JMY: variants seen among roughly 807,000 people sequenced by gnomAD.
JMY encodes the protein junction-mediating and -regulatory protein.
In JMY, 46 loss-of-function variants were observed where a neutral mutation model predicts 103.3. The ratio of observed to expected loss-of-function variants is 0.45; its 90% CI spans 0.35 to 0.57. The LOEUF (loss-of-function observed/expected upper bound fraction) is 0.57. Among genes scored for constraint, JMY ranks in the 20% least tolerant of loss-of-function variants. The pLI, the probability that JMY is intolerant of heterozygous loss-of-function variation, is 0.00. For synonymous variants in JMY, 526 were observed against 489.3 expected (o/e 1.07, Z -0.99); for missense variants, 1,238 against 1,255.2 (o/e 0.99, Z 0.21).
intron 1 of JMY, among the ~76,000 whole-genome samples, chr5:79,261,251 T>C (rs1288592642): frequency 1.3e-5 from 2 of 152,152 alleles, no homozygotes; most frequent in Non-Finnish European, 2.9e-5. Flanking sequence ...AATTTTACCA[T>C]GGCAATGTAA....
intron 1 of JMY, among the ~76,000 whole-genome samples, chr5:79,255,337 T>G (rs1745209374): frequency 6.6e-6 from 1 of 152,158 alleles, no homozygotes; most frequent in Non-Finnish European, 1.5e-5. Context: ...CCTCAATTGA[T>G]CTGCTTGCCT....
In JMY at chr5:79,325,747, TGAAGCA is replaced by T; in HGVS notation, c.*4146_*4151del. ...GTCACTGCTTAATTGCTTTGTAAAA[TGAAGCA>T]ATGGTATTTTTTATCCGATATAGTG... On this transcript the variant is annotated 3_prime_UTR_variant, in exon 11 of 11. Coordinates refer to ENST00000396137, the MANE Select transcript of JMY (RefSeq NM_152405.5). The T allele has an allele frequency of 6.6e-6, 1 of 152,326 alleles. No individual in the cohort carries two copies. Among genetic ancestry groups the T allele is most frequent in the East Asian group, 1.9e-4 (1 of 5,190 alleles). 9.4% of individuals were successfully genotyped at this position (152,326 alleles called of 1,614,324 possible).
In JMY at chr5:79,322,243, T is replaced by G. The variant is rs548507455; in HGVS notation, c.*641T>G. 1.3e-5 allele frequency: 2 copies of G among 152,366 alleles called. No individual in the cohort carries two copies. Among genetic ancestry groups the G allele is most frequent in the Non-Finnish European group, 2.9e-5 (2 of 68,040 alleles). The allele number at this position is 152,366 out of a possible 1,614,324, so 9.4% of individuals were successfully genotyped here. A position where few individuals can be genotyped will look rare whatever the true frequency, so the allele number is the denominator to read the frequency against. ...TAATATGTTCACAACATGATACATT[T>G]AACATGGCATATTTTTAGGAGTCTT... On this transcript the variant is annotated 3_prime_UTR_variant, in exon 11 of 11. Coordinates refer to ENST00000396137, the MANE Select transcript of JMY (RefSeq NM_152405.5).
rs904434074 is a variant in JMY, at chr5:79,326,841, A to G, written c.*5239A>G. ...GATGGCTTTAGTACCATTACATTAA[A>G]TGGACAGTGTGCACAGTGTATTGTA... On this transcript the variant is annotated 3_prime_UTR_variant, in exon 11 of 11. Transcript: ENST00000396137. 1 of 152,226 alleles carries G rather than the reference A, an allele frequency of 6.6e-6. No homozygotes were observed. The highest frequency in any genetic ancestry group is 1.5e-5 in the Non-Finnish European group (1 of 68,020). The allele number at this position is 152,226 out of a possible 1,614,324, so 9.4% of individuals were successfully genotyped here.
chr5:79,315,185 A>G (rs1323515150), intron 9 of JMY, among the ~76,000 whole-genome samples: 1 of 152,178 alleles, frequency 6.6e-6, no homozygotes, highest in Non-Finnish European at 1.5e-5. Flanking sequence ...CAGAAAGGGT[A>G]AGATATCTGG....
intron 4 of JMY, among the ~76,000 whole-genome samples, chr5:79,299,643 T>G (rs1053762210): frequency 1.3e-5 from 2 of 152,240 alleles, no homozygotes; most frequent in Non-Finnish European, 2.9e-5. Flanking sequence ...TGTCTTCTGC[T>G]GTTCCAGTCA....
chr5:79,322,005 C>T lies in JMY; in HGVS notation c.*403C>T, dbSNP rs575016773. On this transcript the variant is annotated 3_prime_UTR_variant, in exon 11 of 11. Transcript: ENST00000396137. ...GCTTTGAGAACCATCTTTCAATGCA[C>T]TGAAAAGTCATCTGAAAAAATAGCT... The T allele has an allele frequency of 7.9e-5, 12 of 152,242 alleles. No individual in the cohort carries two copies. The highest frequency in any genetic ancestry group is 1.3e-4 in the Non-Finnish European group (9 of 68,008). The allele number at this position is 152,242 out of a possible 1,614,324, so 9.4% of individuals were successfully genotyped here.
At chr5:79,276,428 TTTTG>T (rs1363759365) in intron 1 of JMY, among the ~76,000 whole-genome samples, 1 of 151,900 alleles carries the variant, frequency 6.6e-6, no homozygotes, top group Non-Finnish European at 1.5e-5. Flanking sequence ...CTGCTTTTTG[TTTTG>T]TTTGTTCTTT....
At chr5:79,320,374 G>T (rs1025089588) in intron 10 of JMY, among the ~76,000 whole-genome samples, 4 of 150,510 alleles carry the variant, frequency 2.7e-5, no homozygotes. Flanking sequence ...GAGTCTCACT[G>T]TGTCAGCCAG....
At chr5:79,287,826 C>T (rs1397136153) in intron 2 of JMY, among the ~76,000 whole-genome samples, 1 of 152,162 alleles carries the variant, frequency 6.6e-6, no homozygotes, top group African/African-American at 2.4e-5. Flanking sequence ...TATAACTTCA[C>T]TAATTTCCAT....
intron 1 of JMY, among the ~76,000 whole-genome samples, chr5:79,271,874 C>T (rs901104104): frequency 8.6e-5 from 13 of 151,878 alleles, no homozygotes; most frequent in African/African-American, 1.2e-4. Flanking sequence ...TTTGGGAGGC[C>T]GAGGCAGGCG....
intron 4 of JMY, among the ~76,000 whole-genome samples, chr5:79,297,197 G>A (rs907067111): frequency 2.8e-4 from 42 of 152,238 alleles, no homozygotes; most frequent in African/African-American, 1.0e-3. Context: ...TTGGGGTACT[G>A]GTATCCTGAT....
intron 1 of JMY, among the ~76,000 whole-genome samples, chr5:79,248,129 G>C (rs1477214233): frequency 1.3e-5 from 2 of 151,728 alleles, no homozygotes; most frequent in Non-Finnish European, 2.9e-5. Flanking sequence ...CTGACCTCAT[G>C]ATCCGCCCAC....
intron 1 of JMY, among the ~76,000 whole-genome samples, chr5:79,261,954 A>T (rs1745436945): frequency 6.6e-6 from 1 of 152,248 alleles, no homozygotes; most frequent in Non-Finnish European, 1.5e-5. Flanking sequence ...GTGAATCAAT[A>T]GAGCAAAATC....
intron 6 of JMY, among the ~76,000 whole-genome samples, chr5:79,305,487 A>T (rs897042625): frequency 3.9e-5 from 6 of 152,132 alleles, no homozygotes; most frequent in African/African-American, 1.4e-4. Flanking sequence ...TAGCTTTGGA[A>T]TGTTGGAGAC....
chr5:79,237,360 A>G lies in JMY; in HGVS notation c.710A>G (p.Asp237Gly). ...CSWAGLFSFQ[D>G]LRAVHQQLCS... ...TGGGCCGGACTGTTTTCTTTCCAGG[A>G]CCTGCGCGCCGTGCACCAGCAGCTG... is the stretch of plus-strand genomic sequence containing the variant. Residue 237 changes from aspartate to glycine, a missense_variant, in exon 1 of 11, where the codon GAC (aspartate) becomes GGC (glycine). Physicochemically the swap from Asp to Gly is moderately conservative, Grantham distance 94 (BLOSUM62 -1). Transcript: ENST00000396137. 6.2e-7 allele frequency: 1 copy of G among 1,612,160 alleles called. No individual in the cohort carries two copies. Among genetic ancestry groups the G allele is most frequent in the Non-Finnish European group, 8.5e-7 (1 of 1,179,486 alleles).
intron 1 of JMY, among the ~76,000 whole-genome samples, chr5:79,259,977 C>G (rs893580799): frequency 6.6e-6 from 1 of 152,204 alleles, no homozygotes; most frequent in African/African-American, 2.4e-5. Context: ...GGGCCCACCT[C>G]TGCCTCAGGG....
chr5:79,285,024 A>G, intron 2 of JMY: 2 of 700,974 alleles, frequency 2.9e-6, no homozygotes, highest in Admixed American at 2.5e-5. Context: ...TTAATGAGTC[A>G]GAGCCAGCTG....
At chr5:79,278,585 CAAAAA>C (rs34278536) in intron 2 of JMY, among the ~76,000 whole-genome samples, 28 of 57,302 alleles carry the variant, frequency 4.9e-4, no homozygotes, top group East Asian at 2.3e-3. Context: ...CCCGTCTCTA[CAAAAA>C]AAAAAAAAAA....
Sources: gnomAD v4.1 joint callset for allele counts (sites outside exome capture counted in the v4.1 genomes callset) on GRCh38, gnomAD v4.1.1 for gene constraint, MANE v1.5 for transcripts, NCBI Gene and HGNC (gene_info 2026-07-23, HGNC 2026-07-21) for gene names.